USP15: variants seen among roughly 807,000 people sequenced by gnomAD.
The protein encoded by USP15 is ubiquitin specific peptidase 15.
Under a neutral mutation model 127.1 loss-of-function variants are expected in USP15, and 18 were observed. The observed-to-expected ratio is 0.14, with a 90% CI of 0.10 to 0.21. The LOEUF (loss-of-function observed/expected upper bound fraction) is 0.21. USP15 is among the 10% of genes least tolerant of loss of function. The pLI, the probability that USP15 is intolerant of heterozygous loss-of-function variation, is 1.00. For missense variants in USP15, 805 were observed against 1,159.9 expected, an observed-to-expected ratio of 0.69 and a Z score of 4.44; for synonymous variants, 364 against 393.7, an observed-to-expected ratio of 0.92 and a Z score of 0.89.
At chr12:62,306,733 G>A (rs556434009) in intron 3 of USP15, among the ~76,000 whole-genome samples, 20 of 152,184 alleles carry the variant, frequency 1.3e-4, no homozygotes, top group African/African-American at 4.8e-4. Flanking sequence ...CCTCCAGATG[G>A]CAAACGGTGC....
rs113341913 is a variant in USP15, at chr12:62,295,137, C to G, written c.217+831C>G. On this transcript the variant is annotated intron_variant, in intron 2 of 21. Transcript: ENST00000280377. ...AGCTCAGAGAGAGAGAGACCTAGACCCCCCCCCATAGGGTTGCTCTTAAGT... is the reference window on the plus strand; with the variant it reads ...AGCTCAGAGAGAGAGAGACCTAGACGCCCCCCCATAGGGTTGCTCTTAAGT... Among the ~76,000 whole-genome samples, 554 of 151,124 alleles carry G rather than the reference C, an allele frequency of 3.7e-3. 1 individual carries two copies. Among genetic ancestry groups the G allele is most frequent in the African/African-American group, 0.01 (423 of 40,888 alleles).
At chr12:62,351,255 A>G (rs2065958786) in intron 7 of USP15, among the ~76,000 whole-genome samples, 1 of 151,866 alleles carries the variant, frequency 6.6e-6, no homozygotes, top group South Asian at 2.1e-4. Flanking sequence ...ACACTGCAGT[A>G]TCTTCTCTTC....
Position 62,322,001 on chromosome 12 carries a change from G to A in USP15, c.621+392G>A, listed in dbSNP as rs144042740. Among the ~76,000 whole-genome samples, 339 of 152,260 alleles carry A rather than the reference G, an allele frequency of 2.2e-3. 2 individuals carry two copies. Among genetic ancestry groups the A allele is most frequent in the African/African-American group, 8.0e-3 (333 of 41,554 alleles). On this transcript the variant is annotated intron_variant, in intron 5 of 21. Transcript: ENST00000280377. ...TTGCCATTGTAGTACACAAAAACAA[G>A]CATAGATGATACATGAATAAATGAG...
At chr12:62,390,735 T>C in intron 14 of USP15, 129 bp from the exon 15 acceptor site, 1 of 545,460 alleles carries the variant, frequency 1.8e-6, no homozygotes, top group South Asian at 3.3e-5. Flanking sequence ...AGTTTGAATT[T>C]ATCTTTGAAT....
intron 6 of USP15, among the ~76,000 whole-genome samples, chr12:62,347,311 A>G (rs2065848664): frequency 6.6e-6 from 1 of 151,280 alleles, no homozygotes; most frequent in Non-Finnish European, 1.5e-5. Flanking sequence ...GTGTACATAT[A>G]TATATGTACA....
intron 6 of USP15, among the ~76,000 whole-genome samples, chr12:62,339,748 G>A (rs1025576327): frequency 1.3e-5 from 2 of 152,158 alleles, no homozygotes; most frequent in African/African-American, 4.8e-5. Flanking sequence ...CTTGATCATG[G>A]TGGATAAGCT....
At chr12:62,296,204 T>G (rs2064122414) in intron 2 of USP15, among the ~76,000 whole-genome samples, 1 of 152,162 alleles carries the variant, frequency 6.6e-6, no homozygotes, top group African/African-American at 2.4e-5. Flanking sequence ...CTGAATGGGC[T>G]TGGAAGCAGA....
intron 1 of USP15, chr12:62,267,127 C>T (rs1219748484): frequency 1.3e-5 from 2 of 151,840 alleles, no homozygotes; most frequent in East Asian, 3.9e-4. Flanking sequence ...TTTTTCTTCC[C>T]TGAGTAATGT....
chr12:62,334,373 T>C (rs1405278795), intron 6 of USP15, among the ~76,000 whole-genome samples: 1 of 152,136 alleles, frequency 6.6e-6, no homozygotes, highest in African/African-American at 2.4e-5. Context: ...TTTTGTGTTA[T>C]CAAATATTAT....
chr12:62,400,072 T>C (rs779701555), intron 20 of USP15, among the ~76,000 whole-genome samples: 6 of 152,196 alleles, frequency 3.9e-5, no homozygotes, highest in Non-Finnish European at 7.4e-5. Context: ...TTAGAAGCCG[T>C]ACCCTACAAA....
intron 6 of USP15, chr12:62,335,968 C>A: frequency 6.1e-6 from 6 of 985,426 alleles, no homozygotes; most frequent in Non-Finnish European, 6.0e-6. Flanking sequence ...AGGGTTGCCA[C>A]ATTTAGTTTT....
intron 19 of USP15, among the ~76,000 whole-genome samples, chr12:62,395,122 A>G (rs1219263068): frequency 3.9e-5 from 6 of 152,122 alleles, no homozygotes; most frequent in African/African-American, 1.4e-4. Flanking sequence ...ATATATTAAT[A>G]TTTTTTAAAA....
chr12:62,297,967 T>TA lies in USP15; in HGVS notation c.217+3666dup, dbSNP rs754899915. 3.9e-5 allele frequency among the ~76,000 whole-genome samples: 6 copies of TA among 152,212 alleles called. No individual in the cohort carries two copies. The East Asian group carries it at 9.6e-4, about 24-fold the overall frequency. On this transcript the variant is annotated intron_variant, in intron 2 of 21. Transcript: ENST00000280377. ...CAAAATTAAAATATCAACAAGGAGC[T>TA]AAAAATTATGAAGAACCAAACAAAT...
chr12:62,338,377 C>T (rs1432765661), intron 6 of USP15, among the ~76,000 whole-genome samples: 1 of 152,074 alleles, frequency 6.6e-6, no homozygotes, highest in Non-Finnish European at 1.5e-5. Flanking sequence ...TGGATAATAG[C>T]CCTTTGTCAG....
chr12:62,322,800 C>T (rs763431305), intron 5 of USP15, among the ~76,000 whole-genome samples: 1 of 152,116 alleles, frequency 6.6e-6, no homozygotes, highest in Admixed American at 6.5e-5. Context: ...CCTACTCTTC[C>T]ACCATCTCTA....
chr12:62,300,936 A>G (rs1213805591), intron 2 of USP15, among the ~76,000 whole-genome samples: 1 of 152,190 alleles, frequency 6.6e-6, no homozygotes, highest in Non-Finnish European at 1.5e-5. Context: ...AGAGAAAGAA[A>G]AGAGAAGCCA....
chr12:62,360,869 G>A (rs996049423), intron 8 of USP15, among the ~76,000 whole-genome samples: 1 of 151,650 alleles, frequency 6.6e-6, no homozygotes, highest in Non-Finnish European at 1.5e-5. Context: ...CATGTTATGT[G>A]CCAGAAATTA....
At chr12:62,350,983 C>T (rs992543833) in intron 7 of USP15, among the ~76,000 whole-genome samples, 27 of 151,922 alleles carry the variant, frequency 1.8e-4, no homozygotes, top group Non-Finnish European at 3.5e-4. Context: ...AAATTAAAAC[C>T]ATGAAAAACC....
intron 8 of USP15, among the ~76,000 whole-genome samples, chr12:62,362,437 T>G (rs2066348590): frequency 6.6e-6 from 1 of 152,192 alleles, no homozygotes; most frequent in African/African-American, 2.4e-5. Context: ...ATATACACAC[T>G]TACTCATTCA....
Sources: gnomAD v4.1 joint callset for allele counts (sites outside exome capture counted in the v4.1 genomes callset) on GRCh38, gnomAD v4.1.1 for gene constraint, MANE v1.5 for transcripts, NCBI Gene and HGNC (gene_info 2026-07-23, HGNC 2026-07-21) for gene names.